Variants in CLEC18B observed in about 807,000 individuals in gnomAD.
CLEC18B encodes the protein C-type lectin domain family 18 member B.
CLEC18B carries 5 observed loss-of-function variants against 60.4 expected under a neutral mutation model. The ratio of observed to expected loss-of-function variants is 0.08; its 90% CI spans 0.04 to 0.17. The LOEUF is 0.17. Ranked by LOEUF, CLEC18B falls within the 10% of genes least tolerant of loss-of-function variation. CLEC18B has a pLI of 1.00. For synonymous variants in CLEC18B, 16 were observed against 221.2 expected (o/e 0.07, Z 8.23); for missense variants, 26 against 572.8 (o/e 0.05, Z 9.74).
chr16:74,421,359 T>G lies in CLEC18B; in HGVS notation c.-89A>C. 6 of 1,604,428 alleles carry G rather than the reference T, an allele frequency of 3.7e-6. No individual in the cohort carries two copies. The highest frequency in any genetic ancestry group is 5.1e-6 in the Non-Finnish European group (6 of 1,177,016). ...AGGCTGGATGGAGCTATTCACAATC[T>G]CCAGGAGTCAGGCTGGGCTGGTGGA... On this transcript the variant is annotated 5_prime_UTR_variant, in exon 1 of 12. Transcript: ENST00000682950.
intron 2 of CLEC18B, among the ~76,000 whole-genome samples, chr16:74,419,744 C>T (rs1321503056): frequency 6.6e-6 from 1 of 151,024 alleles, no homozygotes; most frequent in Non-Finnish European, 1.5e-5. Flanking sequence ...TCCTGGGAAA[C>T]TGACCCTAGA....
At chr16:74,419,069 A>G (rs2013554425) in intron 2 of CLEC18B, among the ~76,000 whole-genome samples, 1 of 152,162 alleles carries the variant, frequency 6.6e-6, no homozygotes, top group African/African-American at 2.4e-5. Context: ...TGCTGGGATT[A>G]CAGGTGTGAG....
intron 4 of CLEC18B, among the ~76,000 whole-genome samples, 174 bp downstream of exon 4, chr16:74,413,405 G>A (rs1436320327): frequency 1.3e-4 from 20 of 152,308 alleles, no homozygotes; most frequent in Non-Finnish European, 2.2e-4. Context: ...CACCTTCTGC[G>A]TGGCCAGAAT....
At chr16:74,413,321 T>G (rs1358277178) in intron 4 of CLEC18B, among the ~76,000 whole-genome samples, 163 bp from the exon 5 acceptor site, 1 of 152,270 alleles carries the variant, frequency 6.6e-6, no homozygotes, top group Non-Finnish European at 1.5e-5. Flanking sequence ...AGAGAAGAGA[T>G]GGCCTCCAAA....
chr16:74,413,849 C>CTTATTTATTTATTTAT (rs3863433), intron 3 of CLEC18B, among the ~76,000 whole-genome samples, 173 bp from the exon 4 acceptor site: 3 of 149,352 alleles, frequency 2.0e-5, no homozygotes, highest in Non-Finnish European at 3.0e-5. Flanking sequence ...TTCAGGAAGG[C>CTTATTTATTTATTTAT]TTATTTATTT....
intron 2 of CLEC18B, among the ~76,000 whole-genome samples, chr16:74,418,716 C>T (rs1460818966): frequency 3.4e-4 from 52 of 151,978 alleles, no homozygotes; most frequent in African/African-American, 1.2e-3. Flanking sequence ...ACAGCCACAC[C>T]TCTCTGCCCT....
chr16:74,413,965 TG>T (rs2013309665), intron 3 of CLEC18B, among the ~76,000 whole-genome samples: 1 of 152,290 alleles, frequency 6.6e-6, no homozygotes, highest in Admixed American at 6.5e-5. Flanking sequence ...CTCTACCTCC[TG>T]GGTTCATGTG....
At chr16:74,410,355 G>T (rs61228975) in intron 10 of CLEC18B, among the ~76,000 whole-genome samples, 181 bp downstream of exon 10, 357 of 150,830 alleles carry the variant, frequency 2.4e-3, no homozygotes, top group African/African-American at 8.4e-3. Flanking sequence ...CTTCCGGCTT[G>T]CATCTCCCTC....
At chr16:74,423,303 TGC>T (rs2013745447), upstream of CLEC18B, among the ~76,000 whole-genome samples, 1 of 151,566 alleles carries the variant, frequency 6.6e-6, no homozygotes, top group African/African-American at 2.4e-5. Context: ...TATAGTATGA[TGC>T]CAGGCACTTG....
rs199530266 is a variant in CLEC18B, at chr16:74,420,009, T to A, written c.216+492A>T. Among the ~76,000 whole-genome samples the A allele has an allele frequency of 2.0e-5, 3 of 152,280 alleles. No homozygotes were observed. The East Asian group carries it at 5.8e-4, about 29-fold the overall frequency. On this transcript the variant is annotated intron_variant, in intron 2 of 11. Coordinates refer to ENST00000682950, the MANE Select transcript of CLEC18B (RefSeq NM_001385193.1). ...GCCCCTGCTGAAAATGTGGAAAATG[T>A]GGACGAGTGAGTGAGCAGAGAACAT...
intron 2 of CLEC18B, among the ~76,000 whole-genome samples, chr16:74,420,102 C>T (rs1390593691): frequency 6.6e-6 from 1 of 152,110 alleles, no homozygotes; most frequent in Non-Finnish European, 1.5e-5. Flanking sequence ...CGCACAGAAG[C>T]CCCTCCCCAG....
chr16:74,421,902 G>T (rs567851337), upstream of CLEC18B: 8 of 140,478 alleles, frequency 5.7e-5, no homozygotes, highest in Non-Finnish European at 1.2e-4. Context: ...GGCTCAAAGG[G>T]GGGTGGGCTG....
At chr16:74,422,814 C>T (rs1194871846), upstream of CLEC18B, among the ~76,000 whole-genome samples, 1 of 152,196 alleles carries the variant, frequency 6.6e-6, no homozygotes, top group Non-Finnish European at 1.5e-5. Context: ...AGGTGTGTGC[C>T]ACCATGCCTG....
In CLEC18B at chr16:74,411,783, AG is replaced by A; in HGVS notation, c.878-9del. 1 of 1,481,480 alleles carries A rather than the reference AG, an allele frequency of 6.8e-7. No individual in the cohort carries two copies. The highest frequency in any genetic ancestry group is 1.4e-5 in the African/African-American group (1 of 72,380). 91.8% of individuals were successfully genotyped at this position (1,481,480 alleles called of 1,614,324 possible). On this transcript the variant is annotated splice_polypyrimidine_tract_variant and intron_variant, in intron 7 of 11. Coordinates refer to ENST00000682950, the MANE Select transcript of CLEC18B (RefSeq NM_001385193.1). ...AGGGAAAATGCACCTTGGCTGGGGTAGGGGAGCCTGAGTTTGTGTGTGGACT... is the reference window on the plus strand; with the variant it reads ...AGGGAAAATGCACCTTGGCTGGGGTAGGGAGCCTGAGTTTGTGTGTGGACT...
chr16:74,422,387 G>A (rs1373677381), upstream of CLEC18B: 3 of 152,088 alleles, frequency 2.0e-5, no homozygotes, highest in East Asian at 5.8e-4. Context: ...TGGCCCCTGA[G>A]CCCACACCCT....
At chr16:74,412,354 A>G (rs1361870285) in intron 6 of CLEC18B, 108 bp from the exon 7 acceptor site, 1 of 1,595,622 alleles carries the variant, frequency 6.3e-7, no homozygotes, top group African/African-American at 1.3e-5. Context: ...CAGCAAGAAT[A>G]CCCCTCCCAG....
At chr16:74,422,119 TAGAAAAAC>T (rs2013711621), upstream of CLEC18B, 3 of 149,320 alleles carry the variant, frequency 2.0e-5, no homozygotes, top group Admixed American at 1.4e-4. Flanking sequence ...CGTCCGCCTC[TAGAAAAAC>T]AGGCGGCGTA....
intron 6 of CLEC18B, 101 bp downstream of exon 6, chr16:74,412,672 A>C: frequency 6.6e-7 from 1 of 1,505,938 alleles, no homozygotes; most frequent in Non-Finnish European, 9.0e-7. Flanking sequence ...GGGAGTACAC[A>C]GTCAGCACCT....
intron 2 of CLEC18B, among the ~76,000 whole-genome samples, chr16:74,420,077 G>A (rs1209387824): frequency 6.6e-6 from 1 of 152,252 alleles, no homozygotes; most frequent in Non-Finnish European, 1.5e-5. Flanking sequence ...TCAGGAGGAG[G>A]CGCTGGGTCC....
Sources: allele counts gnomAD v4.1 joint callset (sites outside exome capture counted in the v4.1 genomes callset), GRCh38; gene constraint gnomAD v4.1.1; transcripts MANE v1.5; gene names NCBI Gene and HGNC (gene_info 2026-07-23, HGNC 2026-07-21).